The following TTLL7 variants were observed in gnomAD, a reference collection of about 807,000 sequenced individuals.
TTLL7 encodes the protein tubulin tyrosine ligase like 7, also known as tubulin polyglutamylase TTLL7.
A neutral mutation model predicts 120.2 loss-of-function variants in TTLL7; 53 were observed. The ratio of observed to expected loss-of-function variants is 0.44; its 90% CI spans 0.35 to 0.55. The LOEUF is 0.55. Among genes scored for constraint, TTLL7 ranks in the 20% least tolerant of loss-of-function variants. The probability of loss-of-function intolerance (pLI) is 0.00; values close to 1 mark genes in which losing one functional copy is unlikely to be tolerated. For missense variants in TTLL7, 803 were observed against 1,054.7 expected, an observed-to-expected ratio of 0.76 and a Z score of 3.31; for synonymous variants, 353 against 351.7, an observed-to-expected ratio of 1.00 and a Z score of -0.04.
Position 83,898,885 on chromosome 1 carries a change from G to A in TTLL7, c.2208+5194C>T, listed in dbSNP as rs201923835. ...TAATTCTAATGCTACTTACTAAGTA[G>A]AAAAAATTTTTTTTAAAAAATCCCA... On this transcript the variant is annotated intron_variant, in intron 18 of 20. Coordinates refer to ENST00000260505, the MANE Select transcript of TTLL7 (RefSeq NM_024686.6). Among the ~76,000 whole-genome samples the A allele has an allele frequency of 1.6e-3, 238 of 151,776 alleles. 1 individual carries two copies. The highest frequency in any genetic ancestry group is 7.4e-3 in the East Asian group (38 of 5,144).
chr1:83,892,395 T>TATATATGAATATATATACGAAC (rs1655629175), intron 18 of TTLL7, among the ~76,000 whole-genome samples: 1 of 131,692 alleles, frequency 7.6e-6, no homozygotes, highest in African/African-American at 2.7e-5. Flanking sequence ...TATATACGAA[T>TATATATGAATATATATACGAAC]ATATATGAAC....
In TTLL7 at chr1:83,904,168, A is replaced by G; in HGVS notation, c.2128-9T>C. The stretch of plus-strand genomic sequence containing the variant: ...TTCCAGTTATCAATGATCTGTTTGG[A>G]AGGAGGAACATTAAGAAATTTACAG... On this transcript the variant is annotated splice_polypyrimidine_tract_variant and intron_variant, in intron 17 of 20. Coordinates refer to ENST00000260505, the MANE Select transcript of TTLL7 (RefSeq NM_024686.6). The G allele has an allele frequency of 1.2e-6, 2 of 1,603,784 alleles. No homozygotes were observed. The highest frequency in any genetic ancestry group is 1.1e-5 in the South Asian group (1 of 89,244).
At chr1:83,933,796 T>C in intron 8 of TTLL7, 30 bp from the exon 9 acceptor site, 1 of 1,587,502 alleles carries the variant, frequency 6.3e-7, no homozygotes, top group Non-Finnish European at 8.6e-7. Flanking sequence ...GAAGTGAAAA[T>C]GCCTTTGTAT....
chr1:83,900,569 A>G (rs1656634867), intron 18 of TTLL7, among the ~76,000 whole-genome samples: 2 of 151,754 alleles, frequency 1.3e-5, no homozygotes, highest in Non-Finnish European at 2.9e-5. Context: ...TCAGGGAGAG[A>G]CACTCTCTGC....
intron 1 of TTLL7, among the ~76,000 whole-genome samples, chr1:83,988,708 T>C (rs1006424288): frequency 3.6e-4 from 55 of 152,142 alleles, no homozygotes; most frequent in African/African-American, 1.3e-3. Context: ...GTTCGTGTCT[T>C]TGGCCACCTT....
intron 20 of TTLL7, among the ~76,000 whole-genome samples, chr1:83,878,332 T>C (rs980663059): frequency 6.6e-6 from 1 of 151,864 alleles, no homozygotes; most frequent in African/African-American, 2.4e-5. Context: ...TGTTAAAAAA[T>C]TTATATCTTT....
chr1:83,938,005 G>GTA lies in TTLL7; in HGVS notation c.733_734dup (p.Met246ThrfsTer4). ...TCACGGAGTAGTTTGTCAGATGCAT[G>GTA]TATAACTGGGTCTGTAACAAGTAAG... On this transcript the variant is annotated frameshift_variant, in exon 8 of 21. Transcript: ENST00000260505. LOFTEE classifies it high-confidence loss of function. 1 of 1,613,890 alleles carries GTA rather than the reference G, an allele frequency of 6.2e-7. No homozygotes were observed.
intron 19 of TTLL7, chr1:83,887,368 C>T (rs1024003872): frequency 9.4e-6 from 4 of 423,946 alleles, no homozygotes; most frequent in East Asian, 1.7e-4. Context: ...ATTAGGCCTT[C>T]GGACCAAAGG....
chr1:83,919,554 G>C, intron 13 of TTLL7, 145 bp downstream of exon 13: 2 of 708,770 alleles, frequency 2.8e-6, no homozygotes, highest in Non-Finnish European at 4.3e-6. Context: ...ATCATGAAAT[G>C]TTACCAACTG....
intron 15 of TTLL7, among the ~76,000 whole-genome samples, chr1:83,908,775 GT>G (rs1657430400): frequency 6.6e-6 from 1 of 151,620 alleles, no homozygotes; most frequent in East Asian, 1.9e-4. Flanking sequence ...ATGAAGCCAG[GT>G]TGAATACCCA....
At chr1:83,992,628 A>G (rs1050009631) in intron 1 of TTLL7, among the ~76,000 whole-genome samples, 1 of 152,068 alleles carries the variant, frequency 6.6e-6, no homozygotes, top group Non-Finnish European at 1.5e-5. Context: ...CATTTTTCAC[A>G]TTGTAAAAAT....
chr1:83,874,668 C>T (rs567796548), intron 20 of TTLL7, among the ~76,000 whole-genome samples: 1 of 152,088 alleles, frequency 6.6e-6, no homozygotes, highest in South Asian at 2.1e-4. Flanking sequence ...TTGATAGTAG[C>T]AATTCTAGTG....
Position 83,933,877 on chromosome 1 carries a change from G to A in TTLL7, c.889-111C>T, listed in dbSNP as rs928668859. 8 of 981,398 alleles carry A rather than the reference G, an allele frequency of 8.2e-6. No homozygotes were observed. In the African/African-American group the frequency reaches 1.1e-4, roughly 14 times the overall value. The allele number at this position is 981,398 out of a possible 1,614,324, so 60.8% of individuals were successfully genotyped here. ...CCTGGCCAAGTTTACAAAGCTCTGT[G>A]GCATCTAGCCCCTGCCACTGCTCTG... On this transcript the variant is annotated intron_variant, in intron 8 of 20. Coordinates refer to ENST00000260505, the MANE Select transcript of TTLL7 (RefSeq NM_024686.6).
At chr1:83,964,991 C>A (rs1336552790) in intron 1 of TTLL7, among the ~76,000 whole-genome samples, 1 of 152,038 alleles carries the variant, frequency 6.6e-6, no homozygotes, top group Non-Finnish European at 1.5e-5. Context: ...TTAGAACAAT[C>A]TTAATCAATG....
intron 1 of TTLL7, among the ~76,000 whole-genome samples, chr1:83,967,175 A>G (rs905085304): frequency 2.0e-5 from 3 of 152,132 alleles, no homozygotes; most frequent in African/African-American, 7.2e-5. Context: ...GGTTTTTTTA[A>G]GTAAATAAAA....
Position 83,921,492 on chromosome 1 carries a change from C to T in TTLL7, c.1143-98G>A, listed in dbSNP as rs574050293. 3.4e-5 allele frequency: 44 copies of T among 1,313,164 alleles called. No homozygotes were observed. The South Asian group carries it at 4.4e-4, about 13-fold the overall frequency. 81.3% of individuals were successfully genotyped at this position (1,313,164 alleles called of 1,614,324 possible). On this transcript the variant is annotated intron_variant, in intron 10 of 20. Coordinates refer to ENST00000260505, the MANE Select transcript of TTLL7 (RefSeq NM_024686.6). Reference sequence around the variant, plus strand: ...GCAGAACAGGAGACATAGTGAAGCTCAGAATCAATGTTTATTAAACTTATA... The same window carrying T: ...GCAGAACAGGAGACATAGTGAAGCTTAGAATCAATGTTTATTAAACTTATA...
chr1:83,883,245 T>A, intron 19 of TTLL7, 109 bp from the exon 20 acceptor site: 1 of 800,738 alleles, frequency 1.2e-6, no homozygotes, highest in Non-Finnish European at 1.9e-6. Context: ...AATGGTCTCA[T>A]ACATTTGCAA....
In TTLL7 at chr1:83,928,401, G is replaced by A. The variant is rs553299877; in HGVS notation, c.1142+735C>T. Among the ~76,000 whole-genome samples, 8 of 152,164 alleles carry A rather than the reference G, an allele frequency of 5.3e-5. No homozygotes were observed. In the East Asian group the frequency reaches 9.6e-4, roughly 18 times the overall value. ...TCTGTTGGAAAATTTCTAATGACAG[G>A]TAACTCACTATTTCAGGAAGTGTTT... On this transcript the variant is annotated intron_variant, in intron 10 of 20. Transcript: ENST00000260505.
In TTLL7 at chr1:83,904,062, T is replaced by A. The variant is rs771862725; in HGVS notation, c.2208+17A>T. On this transcript the variant is annotated intron_variant, in intron 18 of 20. Transcript: ENST00000260505. Reference sequence around the variant, plus strand: ...CATAATCCAAGAGGGAAAAAACTTGTTTTGAGCATTACTCACTTTTCGTTG... The same window carrying A: ...CATAATCCAAGAGGGAAAAAACTTGATTTGAGCATTACTCACTTTTCGTTG... 1 of 1,603,888 alleles carries A rather than the reference T, an allele frequency of 6.2e-7. No homozygotes were observed. Among genetic ancestry groups the A allele is most frequent in the South Asian group, 1.1e-5 (1 of 90,530 alleles).
Sources: gnomAD v4.1 joint callset for allele counts (sites outside exome capture counted in the v4.1 genomes callset) on GRCh38, gnomAD v4.1.1 for gene constraint, MANE v1.5 for transcripts, NCBI Gene and HGNC (gene_info 2026-07-23, HGNC 2026-07-21) for gene names.